The following PHTF2 variants were observed in gnomAD, a reference collection of about 807,000 sequenced individuals.
PHTF2 encodes protein PHTF2.
A neutral mutation model predicts 101.2 loss-of-function variants in PHTF2; 60 were observed. The ratio of observed to expected loss-of-function variants is 0.59; its 90% CI spans 0.48 to 0.73. The LOEUF (loss-of-function observed/expected upper bound fraction) is 0.73, where lower values mean the gene tolerates loss of function less well. Ranked by LOEUF, PHTF2 falls within the 30% of genes least tolerant of loss-of-function variation. The pLI is 0.00. For synonymous variants in PHTF2, 311 were observed against 307.3 expected (o/e 1.01, Z -0.13); for missense variants, 747 against 908.7 (o/e 0.82, Z 2.29).
At chr7:77,822,502 G>T (rs1794370542) in intron 1 of PHTF2, among the ~76,000 whole-genome samples, 1 of 152,200 alleles carries the variant, frequency 6.6e-6, no homozygotes, top group Non-Finnish European at 1.5e-5. Flanking sequence ...CAGCGCAGCT[G>T]CATGAATTCC....
chr7:77,799,944 T>C (rs757367542), intron 1 of PHTF2, among the ~76,000 whole-genome samples: 1 of 152,242 alleles, frequency 6.6e-6, no homozygotes, highest in Non-Finnish European at 1.5e-5. Flanking sequence ...TTTTCAGGTG[T>C]GATACTTTAA....
At chr7:77,857,840 GATTA>G (rs1254790553) in intron 3 of PHTF2, among the ~76,000 whole-genome samples, 2 of 152,060 alleles carry the variant, frequency 1.3e-5, no homozygotes, top group African/African-American at 2.4e-5. Flanking sequence ...TTTATTTAAG[GATTA>G]ATTATTGTTA....
chr7:77,873,582 C>T (rs2150724967), intron 3 of PHTF2, among the ~76,000 whole-genome samples: 1 of 152,166 alleles, frequency 6.6e-6, no homozygotes, highest in East Asian at 1.9e-4. Flanking sequence ...CAGGGGAGGC[C>T]ATCACTGTTG....
intron 1 of PHTF2, among the ~76,000 whole-genome samples, chr7:77,812,242 GAC>G (rs924648514): frequency 3.4e-4 from 51 of 152,158 alleles, no homozygotes; most frequent in African/African-American, 1.1e-3. Context: ...CAGAAGAAAT[GAC>G]ACACATTTAT....
chr7:77,888,247 T>A (rs745398338), intron 3 of PHTF2, among the ~76,000 whole-genome samples: 1 of 152,206 alleles, frequency 6.6e-6, no homozygotes, highest in African/African-American at 2.4e-5. Context: ...CCCAAGTAGC[T>A]GGGATTACAG....
intron 17 of PHTF2, among the ~76,000 whole-genome samples, chr7:77,950,379 C>T (rs538533705): frequency 6.6e-6 from 1 of 151,938 alleles, no homozygotes; most frequent in South Asian, 2.1e-4. Context: ...TACTTGAGCC[C>T]GCCAGGCACG....
At chr7:77,866,546 C>T (rs988738944) in intron 3 of PHTF2, among the ~76,000 whole-genome samples, 5 of 151,858 alleles carry the variant, frequency 3.3e-5, no homozygotes, top group African/African-American at 1.2e-4. Flanking sequence ...AATTGGAAGT[C>T]AGAAGCTGGG....
chr7:77,845,913 G>C (rs1340972721), intron 2 of PHTF2, among the ~76,000 whole-genome samples: 2 of 152,074 alleles, frequency 1.3e-5, no homozygotes, highest in Non-Finnish European at 2.9e-5. Flanking sequence ...CTTTTCTCAG[G>C]GTTTACTTAA....
At chr7:77,896,787 C>G (rs1267030801) in intron 5 of PHTF2, among the ~76,000 whole-genome samples, 1 of 152,174 alleles carries the variant, frequency 6.6e-6, no homozygotes, top group African/African-American at 2.4e-5. Context: ...AAACACTCTA[C>G]CTGTTGTTTA....
chr7:77,895,975 G>A (rs902255917), intron 5 of PHTF2: 3 of 152,104 alleles, frequency 2.0e-5, no homozygotes, highest in South Asian at 4.1e-4. Context: ...TCCCACTATT[G>A]CACTTGACTA....
intron 11 of PHTF2, chr7:77,924,021 G>A: frequency 1.1e-6 from 1 of 899,328 alleles, no homozygotes; most frequent in Non-Finnish European, 1.3e-6. Context: ...TATAAAATAT[G>A]GCTATAAAAT....
At chr7:77,859,688 GGAGTA>G (rs1386969787) in intron 3 of PHTF2, among the ~76,000 whole-genome samples, 2 of 151,478 alleles carry the variant, frequency 1.3e-5, no homozygotes, top group African/African-American at 4.9e-5. Flanking sequence ...CTCAGCCTCT[GGAGTA>G]GCTGAGGCTA....
Position 77,828,153 on chromosome 7 carries a change from A to T in PHTF2, c.-35-12068A>T, listed in dbSNP as rs573292278. Among the ~76,000 whole-genome samples, 3 of 152,358 alleles carry T rather than the reference A, an allele frequency of 2.0e-5. No individual in the cohort carries two copies. In the South Asian group the frequency reaches 6.2e-4, roughly 32 times the overall value. On this transcript the variant is annotated intron_variant, in intron 1 of 19. Coordinates refer to ENST00000416283, the Ensembl canonical transcript of PHTF2. ...ACCAGTAATAACATGTCCATGTTTG[A>T]ATTGAGCCTGATAGGTTGGTGGTAA...
At chr7:77,840,124 C>A in intron 1 of PHTF2, 97 bp from the exon 2 acceptor site, 1 of 622,690 alleles carries the variant, frequency 1.6e-6, no homozygotes, top group South Asian at 2.3e-5. Context: ...ACACCCCTTG[C>A]TCTGCAAGTA....
chr7:77,876,610 C>A (rs1019070985), intron 3 of PHTF2, among the ~76,000 whole-genome samples: 1 of 152,060 alleles, frequency 6.6e-6, no homozygotes, highest in African/African-American at 2.4e-5. Flanking sequence ...CTAAAGAAGT[C>A]AGCTGGGCTT....
chr7:77,854,261 A>G (rs6952376), intron 2 of PHTF2, among the ~76,000 whole-genome samples: 3,153 of 152,242 alleles, frequency 0.021, 88 homozygotes, highest in African/African-American at 0.071. Flanking sequence ...CTGGATTGTC[A>G]GGGAGAGTCT....
At chr7:77,913,754 A>T (rs1038970937) in intron 9 of PHTF2, among the ~76,000 whole-genome samples, 12 of 152,148 alleles carry the variant, frequency 7.9e-5, no homozygotes, top group Non-Finnish European at 1.6e-4. Flanking sequence ...CAGCTTTATT[A>T]AATCTTTAAC....
At chr7:77,807,747 T>C (rs1005082584) in intron 1 of PHTF2, among the ~76,000 whole-genome samples, 5 of 152,224 alleles carry the variant, frequency 3.3e-5, no homozygotes, top group Non-Finnish European at 7.4e-5. Flanking sequence ...CCTATACTTT[T>C]GGTGTTACAG....
At chr7:77,844,523 CTTTTG>C (rs1462291117) in intron 2 of PHTF2, among the ~76,000 whole-genome samples, 1 of 152,048 alleles carries the variant, frequency 6.6e-6, no homozygotes, top group Admixed American at 6.6e-5. Flanking sequence ...ATAAGTTATT[CTTTTG>C]TTTTGTTTTT....
Sources: gnomAD v4.1 joint callset for allele counts (sites outside exome capture counted in the v4.1 genomes callset) on GRCh38, gnomAD v4.1.1 for gene constraint, MANE v1.5 for transcripts, NCBI Gene and HGNC (gene_info 2026-07-23, HGNC 2026-07-21) for gene names.